Variants in MYO3A observed in about 807,000 individuals in gnomAD.
MYO3A encodes myosin-IIIa.
Under a neutral mutation model 192.7 loss-of-function variants are expected in MYO3A, and 180 were observed. The observed-to-expected ratio is 0.93, with a 90% CI of 0.83 to 1.06. The LOEUF (loss-of-function observed/expected upper bound fraction) is 1.06, where lower values mean the gene tolerates loss of function less well. MYO3A is among the 50% of genes least tolerant of loss of function. The probability of loss-of-function intolerance (pLI) is 0.00; values close to 1 mark genes in which losing one functional copy is unlikely to be tolerated. For missense variants in MYO3A, 1,896 were observed against 1,905.0 expected, an observed-to-expected ratio of 1.00 and a Z score of 0.09; for synonymous variants, 628 against 645.3, an observed-to-expected ratio of 0.97 and a Z score of 0.41.
chr10:26,102,323 T>C (rs900710331), intron 17 of MYO3A, among the ~76,000 whole-genome samples: 1 of 152,236 alleles, frequency 6.6e-6, no homozygotes, highest in Admixed American at 6.5e-5. Flanking sequence ...GGTTTTTAGC[T>C]TCTTTGCAGT....
chr10:26,043,721 C>T (rs772929971), intron 10 of MYO3A, among the ~76,000 whole-genome samples: 7 of 152,194 alleles, frequency 4.6e-5, no homozygotes, highest in Admixed American at 1.3e-4. Context: ...GCAGCGGGCT[C>T]CTTTCCAGCC....
At chr10:26,071,194 A>G (rs1387133611) in intron 14 of MYO3A, among the ~76,000 whole-genome samples, 1 of 152,188 alleles carries the variant, frequency 6.6e-6, no homozygotes, top group Non-Finnish European at 1.5e-5. Context: ...CATTAAAGAA[A>G]GGATGACATA....
chr10:26,116,336 A>G (rs1838504028), intron 17 of MYO3A, among the ~76,000 whole-genome samples: 1 of 151,790 alleles, frequency 6.6e-6, no homozygotes, highest in African/African-American at 2.4e-5. Context: ...CCCCATCTCC[A>G]CCTAAATTTG....
chr10:26,001,887 T>A (rs111795180), intron 6 of MYO3A, among the ~76,000 whole-genome samples: 6,565 of 152,208 alleles, frequency 0.043, 181 homozygotes, highest in Middle Eastern at 0.068. Context: ...TTCAGGAGGC[T>A]GAGGTGGGAG....
chr10:25,981,146 G>A (rs189996536), intron 4 of MYO3A, among the ~76,000 whole-genome samples: 75 of 151,848 alleles, frequency 4.9e-4, no homozygotes, highest in African/African-American at 1.8e-3. Flanking sequence ...TGCATTTAAC[G>A]TTTCCCCATT....
chr10:26,124,175 C>A (rs1839051162), intron 18 of MYO3A, among the ~76,000 whole-genome samples: 1 of 116,126 alleles, frequency 8.6e-6, no homozygotes, highest in Admixed American at 1.2e-4. Context: ...GATGACAGAG[C>A]GAGACTTTGT....
At chr10:26,127,471 A>G (rs1197410331) in intron 19 of MYO3A, among the ~76,000 whole-genome samples, 1 of 152,210 alleles carries the variant, frequency 6.6e-6, no homozygotes, top group Non-Finnish European at 1.5e-5. Context: ...AAATACTCAA[A>G]TAGCTTTCCT....
At chr10:25,966,299 C>G (rs1342993601) in intron 4 of MYO3A, among the ~76,000 whole-genome samples, 1 of 152,066 alleles carries the variant, frequency 6.6e-6, no homozygotes, top group Non-Finnish European at 1.5e-5. Flanking sequence ...TTTATTTATT[C>G]TATAAATAGT....
chr10:26,047,774 C>CAAAAAAAAAAAAAAAAAAAAAAA (rs1423133061), intron 10 of MYO3A, among the ~76,000 whole-genome samples: 1 of 151,150 alleles, frequency 6.6e-6, no homozygotes, highest in African/African-American at 2.5e-5. Context: ...GACTCCATCT[C>CAAAAAAAAAAAAAAAAAAAAAAA]AATAAAAAAA....
intron 34 of MYO3A, among the ~76,000 whole-genome samples, chr10:26,207,215 T>C (rs1211275183): frequency 2.6e-5 from 4 of 152,196 alleles, no homozygotes; most frequent in African/African-American, 9.6e-5. Flanking sequence ...AGAAGCTTTT[T>C]AGTTTGATGT....
At chr10:26,002,704 G>C (rs1840916678) in intron 6 of MYO3A, among the ~76,000 whole-genome samples, 1 of 152,156 alleles carries the variant, frequency 6.6e-6, no homozygotes, top group Admixed American at 6.6e-5. Context: ...AGTCAGGGTG[G>C]AGGAGGTAAT....
chr10:26,023,962 C>A, intron 8 of MYO3A, 60 bp from the exon 9 acceptor site: 1 of 1,465,668 alleles, frequency 6.8e-7, no homozygotes, highest in Non-Finnish European at 9.6e-7. Flanking sequence ...CTGGCTCTGC[C>A]TCTCATTTTA....
At chr10:26,004,217 T>C (rs1841033488) in intron 6 of MYO3A, among the ~76,000 whole-genome samples, 1 of 151,994 alleles carries the variant, frequency 6.6e-6, no homozygotes, top group Non-Finnish European at 1.5e-5. Context: ...TGATCCTGTA[T>C]GGGGACGAAC....
At chr10:25,974,847 T>G (rs1238682719) in intron 4 of MYO3A, among the ~76,000 whole-genome samples, 1 of 152,190 alleles carries the variant, frequency 6.6e-6, no homozygotes, top group Non-Finnish European at 1.5e-5. Context: ...TAGAAAATAT[T>G]TAAGAAAGAA....
chr10:26,070,375 G>T lies in MYO3A; in HGVS notation c.1333G>T (p.Val445Phe), dbSNP rs766777279. Residue 445 changes from valine (V) to phenylalanine (F), a missense_variant, in exon 14 of 35, where the codon GTT (valine) becomes TTT (phenylalanine). Transcript: ENST00000642920. ...AGKTENAHLL[V>F]QQLTVLGKAN... ...AAAGACTGAAAATGCTCATCTTTTA[G>T]TTCAGCAGCTGACAGTGCTTGGAAA... The T allele has an allele frequency of 6.2e-7, 1 of 1,613,188 alleles. No homozygotes were observed. Among genetic ancestry groups the T allele is most frequent in the Non-Finnish European group, 8.5e-7 (1 of 1,179,458 alleles).
intron 3 of MYO3A, among the ~76,000 whole-genome samples, chr10:25,954,322 A>G (rs1162839589): frequency 6.6e-6 from 1 of 152,124 alleles, no homozygotes; most frequent in Non-Finnish European, 1.5e-5. Context: ...TTGATAAGAT[A>G]GCAACCTGTT....
intron 18 of MYO3A, among the ~76,000 whole-genome samples, chr10:26,124,902 C>A (rs1165835318): frequency 1.3e-5 from 2 of 152,082 alleles, no homozygotes; most frequent in Admixed American, 6.6e-5. Flanking sequence ...ACATGAATGT[C>A]AAGATAAGTT....
chr10:26,159,295 C>T (rs1202363917), intron 26 of MYO3A, among the ~76,000 whole-genome samples: 1 of 148,878 alleles, frequency 6.7e-6, no homozygotes, highest in African/African-American at 2.5e-5. Context: ...TGGCCTATTT[C>T]TGCTAATTTT....
intron 10 of MYO3A, among the ~76,000 whole-genome samples, chr10:26,034,589 A>G (rs911488974): frequency 1.3e-5 from 2 of 152,244 alleles, no homozygotes; most frequent in Non-Finnish European, 2.9e-5. Context: ...ATCATGAATC[A>G]AGAAACTGGA....
Sources: gnomAD v4.1 joint callset for allele counts (sites outside exome capture counted in the v4.1 genomes callset) on GRCh38, gnomAD v4.1.1 for gene constraint, MANE v1.5 for transcripts, NCBI Gene and HGNC (gene_info 2026-07-23, HGNC 2026-07-21) for gene names.